CASS4: variants seen among roughly 807,000 people sequenced by gnomAD.
CASS4 encodes Cas scaffold protein family member 4.
A neutral mutation model predicts 54.2 loss-of-function variants in CASS4; 22 were observed. The ratio of observed to expected loss-of-function variants is 0.41; its 90% confidence interval spans 0.29 to 0.58. The LOEUF is 0.58. CASS4 is among the 20% of genes least tolerant of loss of function. The pLI is 0.36. For synonymous variants in CASS4, 409 were observed against 391.5 expected, an observed-to-expected ratio of 1.04 and a Z score of -0.53; for missense variants, 854 against 986.7, an observed-to-expected ratio of 0.87 and a Z score of 1.80.
chr20:56,451,949 C>G lies in CASS4; in HGVS notation c.773C>G (p.Thr258Arg). 2 of 1,614,182 alleles carry G rather than the reference C, an allele frequency of 1.2e-6. No individual in the cohort carries two copies. The highest frequency in any genetic ancestry group is 1.7e-6 in the Non-Finnish European group (2 of 1,180,036). ...VSPGKASVRN[T>R]PLTSFAEESR... is the part of the protein sequence containing the mutation. ...CCAGGAAAGGCCAGCGTCAGAAACA[C>G]GCCTCTCACCAGCTTTGCGGAAGAA... The change falls in exon 5 of 6, where the codon ACG (threonine) becomes AGG (arginine). Residue 258 changes from threonine (T) to arginine (R), a missense_variant. Thr to Arg is a moderately conservative substitution (Grantham distance 71). Transcript: ENST00000679887.
At chr20:56,445,110 C>CA (rs112103060) in intron 2 of CASS4, among the ~76,000 whole-genome samples, 3,267 of 141,112 alleles carry the variant, frequency 0.023, 120 homozygotes, top group African/African-American at 0.075. Flanking sequence ...AGATCCATCT[C>CA]AAAAAAAAAA....
intron 1 of CASS4, among the ~76,000 whole-genome samples, chr20:56,425,301 T>G (rs1278483708): frequency 6.6e-6 from 1 of 152,238 alleles, no homozygotes; most frequent in Non-Finnish European, 1.5e-5. Context: ...TCTGTGACTC[T>G]TAATGCACCT....
intron 5 of CASS4, among the ~76,000 whole-genome samples, chr20:56,455,786 C>G (rs1981262860): frequency 6.6e-6 from 1 of 152,200 alleles, no homozygotes; most frequent in East Asian, 1.9e-4. Flanking sequence ...AAAAAATTAG[C>G]TGGGCATGAT....
rs1161088208 is a variant in CASS4, at chr20:56,458,411, C to G, written c.2025C>G (p.His675Gln). ...TPERKPRLSE[H>Q]CRLYFGALFK... is the part of the protein sequence containing the mutation. ...AGAGGAAACCCCGCTTATCTGAACA[C>G]TGCCGGCTCTACTTTGGGGCGCTCT... is the stretch of plus-strand genomic sequence containing the variant. The change falls in exon 6 of 6, where the codon CAC becomes CAG. Residue 675 changes from histidine to glutamine, a missense_variant. Physicochemically the swap from His to Gln is conservative, Grantham distance 24. Coordinates refer to ENST00000679887, the MANE Select transcript of CASS4 (RefSeq NM_020356.4). 6.2e-7 allele frequency: 1 copy of G among 1,614,114 alleles called. No individual in the cohort carries two copies. Among genetic ancestry groups the G allele is most frequent in the South Asian group, 1.1e-5 (1 of 91,082 alleles).
intron 4 of CASS4, 80 bp from the exon 5 acceptor site, chr20:56,451,737 AGT>A (rs1981007557): frequency 3.1e-6 from 3 of 966,988 alleles, no homozygotes; most frequent in African/African-American, 1.6e-5. Context: ...GGAGCGGCGG[AGT>A]GACGATGAGA....
Position 56,458,548 on chromosome 20 carries a change from G to GC in CASS4, c.2163dup (p.Met722HisfsTer31), listed in dbSNP as rs752871737. The GC allele has an allele frequency of 1.2e-5, 20 of 1,614,012 alleles. No individual in the cohort carries two copies. In the South Asian group the frequency reaches 2.2e-4, roughly 18 times the overall value. On this transcript the variant is annotated frameshift_variant, in exon 6 of 6. Transcript: ENST00000679887. LOFTEE classifies it high-confidence loss of function. ...GGACAGAAGCTGGTGGACACGCTGT[G>GC]CATGGAGACCCAGGAGAGGGACGTG...
At chr20:56,444,522 C>T (rs552335690) in intron 2 of CASS4, among the ~76,000 whole-genome samples, 1 of 152,310 alleles carries the variant, frequency 6.6e-6, no homozygotes, top group South Asian at 2.1e-4. Flanking sequence ...GCATCTTCTA[C>T]TCTAGAAAAA....
chr20:56,440,934 A>G (rs1216650256), intron 2 of CASS4, among the ~76,000 whole-genome samples: 1 of 151,528 alleles, frequency 6.6e-6, no homozygotes, highest in African/African-American at 2.4e-5. Flanking sequence ...TGCCCTACCT[A>G]CAAGTTTGCT....
At chr20:56,449,055 T>C (rs980579375) in intron 3 of CASS4, among the ~76,000 whole-genome samples, 8 of 152,312 alleles carry the variant, frequency 5.3e-5, no homozygotes, top group Non-Finnish European at 1.2e-4. Flanking sequence ...GTGTGGTGAT[T>C]CCTCAAGGAT....
intron 2 of CASS4, among the ~76,000 whole-genome samples, chr20:56,440,153 G>C (rs759878557): frequency 1.3e-5 from 2 of 152,198 alleles, no homozygotes; most frequent in Non-Finnish European, 2.9e-5. Flanking sequence ...ACAGGCACTC[G>C]CTACAAACAC....
chr20:56,450,890 TG>T (rs1980962991), intron 4 of CASS4, among the ~76,000 whole-genome samples: 1 of 151,546 alleles, frequency 6.6e-6, no homozygotes, highest in East Asian at 1.9e-4. Flanking sequence ...AAATATTGGC[TG>T]GGTGTGGTAG....
chr20:56,415,086 C>A (rs1187388618), intron 1 of CASS4, among the ~76,000 whole-genome samples: 2 of 152,160 alleles, frequency 1.3e-5, no homozygotes, highest in African/African-American at 4.8e-5. Context: ...CCCAGGCAGA[C>A]TAAGCTCAGA....
rs3746623 is a variant in CASS4, at chr20:56,458,420, C to T, written c.2034C>T (p.Leu678=). The T allele has an allele frequency of 6.2e-7, 1 of 1,613,778 alleles. No individual in the cohort carries two copies. The highest frequency in any genetic ancestry group is 8.5e-7 in the Non-Finnish European group (1 of 1,179,966). The part of the protein sequence containing the change: ...RKPRLSEHCR[L]YFGALFKAIS... ...CCCGCTTATCTGAACACTGCCGGCT[C>T]TACTTTGGGGCGCTCTTCAAAGCCA... Residue 678 remains leucine (L), a synonymous_variant, in exon 6 of 6, where the codon CTC becomes CTT. Coordinates refer to ENST00000679887, the MANE Select transcript of CASS4 (RefSeq NM_020356.4).
chr20:56,451,749 A>G, intron 4 of CASS4, 70 bp from the exon 5 acceptor site: 1 of 1,153,952 alleles, frequency 8.7e-7, no homozygotes, highest in Non-Finnish European at 1.3e-6. Flanking sequence ...TGACGATGAG[A>G]TTTAAACAAC....
intron 1 of CASS4, among the ~76,000 whole-genome samples, chr20:56,435,072 G>A (rs1980091285): frequency 6.6e-6 from 1 of 152,178 alleles, no homozygotes; most frequent in Non-Finnish European, 1.5e-5. Context: ...ATTAGATTTT[G>A]TGGGGGATGT....
intron 2 of CASS4, among the ~76,000 whole-genome samples, chr20:56,443,469 C>CAAAAAAAAAAAACAAAA (rs11467181): frequency 8.7e-6 from 1 of 115,228 alleles, no homozygotes; most frequent in African/African-American, 3.6e-5. Context: ...ACTCCGTCTC[C>CAAAAAAAAAAAACAAAA]AAAAAAAAAA....
At chr20:56,429,001 G>A (rs1209217123) in intron 1 of CASS4, among the ~76,000 whole-genome samples, 1 of 151,754 alleles carries the variant, frequency 6.6e-6, no homozygotes, top group Non-Finnish European at 1.5e-5. Context: ...AAAATTGAAG[G>A]TAAAGCAGAG....
At chr20:56,431,941 A>G (rs1339670450) in intron 1 of CASS4, among the ~76,000 whole-genome samples, 2 of 152,232 alleles carry the variant, frequency 1.3e-5, no homozygotes, top group African/African-American at 4.8e-5. Context: ...AGATGGTTAA[A>G]GTACAGTTTT....
intron 3 of CASS4, 148 bp downstream of exon 3, chr20:56,446,149 T>G (rs1392993563): frequency 7.1e-6 from 4 of 566,218 alleles, no homozygotes; most frequent in Non-Finnish European, 1.3e-5. Context: ...AGAGGCCAAC[T>G]TCATAACCTC....
Sources: allele counts gnomAD v4.1 joint callset (sites outside exome capture counted in the v4.1 genomes callset), GRCh38; gene constraint gnomAD v4.1.1; transcripts MANE v1.5; gene names NCBI Gene and HGNC (gene_info 2026-07-23, HGNC 2026-07-21).